The following CFAP47 variants were observed in gnomAD, a reference collection of about 807,000 sequenced individuals.
The protein encoded by CFAP47 is cilia- and flagella-associated protein 47.
CFAP47 carries 29 observed loss-of-function variants against 148.1 expected under a neutral mutation model. The observed-to-expected ratio is 0.20, with a 90% CI of 0.15 to 0.27. The LOEUF (loss-of-function observed/expected upper bound fraction) is 0.27. Ranked by LOEUF, CFAP47 falls within the 10% of genes least tolerant of loss-of-function variation. The pLI, the probability that CFAP47 is intolerant of heterozygous loss-of-function variation, is 1.00. For synonymous variants in CFAP47, 664 were observed against 577.3 expected (o/e 1.15, Z -2.15); for missense variants, 1,872 against 1,697.5 (o/e 1.10, Z -1.81).
At chrX:36,344,475 A>G (rs1204549243) in intron 57 of CFAP47, among the ~76,000 whole-genome samples, 4 of 111,584 alleles carry the variant, frequency 3.6e-5, no homozygotes, top group African/African-American at 1.3e-4. Context: ...GGTGAATTCA[A>G]TAATGAACTT....
At chrX:36,129,066 T>C (rs2083797174) in intron 33 of CFAP47, among the ~76,000 whole-genome samples, 1 of 110,604 alleles carries the variant, frequency 9.0e-6, no homozygotes, top group Non-Finnish European at 1.9e-5. Flanking sequence ...TGGTATTCAC[T>C]GATAAGACCA....
chrX:36,049,980 C>T (rs147979010), intron 26 of CFAP47, among the ~76,000 whole-genome samples: 172 of 111,876 alleles, frequency 1.5e-3, no homozygotes, highest in Non-Finnish European at 2.3e-3. Context: ...TTCCCCTGCA[C>T]GCTCTCTCTT....
chrX:35,956,192 T>A lies in CFAP47; in HGVS notation c.1406T>A (p.Met469Lys), dbSNP rs1280266325. Reference protein sequence around the residue: ...PEKGKITGGGMVDVMCSFVPH... With the variant: ...PEKGKITGGGKVDVMCSFVPH... ...AAGGGCAAGATTACTGGAGGGGGTA[T>A]GGTGGTAAGATAATTTTTCTTTGCG... Residue 469 changes from methionine (M) to lysine (K), a missense_variant, in exon 8 of 64, where the codon ATG becomes AAG. Physicochemically the swap from Met to Lys is moderately conservative, Grantham distance 95. Coordinates refer to ENST00000378653, the MANE Select transcript of CFAP47 (RefSeq NM_001304548.2). The A allele has an allele frequency of 1.7e-6, 2 of 1,194,715 alleles. No homozygotes were observed. Among genetic ancestry groups the A allele is most frequent in the African/African-American group, 3.5e-5 (2 of 56,876 alleles).
intron 27 of CFAP47, among the ~76,000 whole-genome samples, chrX:36,067,812 G>A (rs760951148): frequency 5.8e-4 from 64 of 109,446 alleles, no homozygotes; most frequent in African/African-American, 2.0e-3. Context: ...ACAGGTGCCC[G>A]CCACCATGGC....
At chrX:36,078,719 T>G (rs1302203741) in intron 29 of CFAP47, among the ~76,000 whole-genome samples, 1 of 111,134 alleles carries the variant, frequency 9.0e-6, no homozygotes, top group Non-Finnish European at 1.9e-5. Context: ...AGGTTAATAT[T>G]GTTATGTGTG....
At chrX:36,315,940 A>G (rs1385402654) in intron 56 of CFAP47, among the ~76,000 whole-genome samples, 2 of 111,521 alleles carry the variant, frequency 1.8e-5, no homozygotes, top group African/African-American at 6.5e-5. Flanking sequence ...AACCCCAACT[A>G]AGACAGGAAC....
At chrX:35,961,589 G>A (rs913780707) in intron 8 of CFAP47, among the ~76,000 whole-genome samples, 3 of 111,114 alleles carry the variant, frequency 2.7e-5, no homozygotes, top group African/African-American at 9.8e-5. Context: ...ATGTCATTTA[G>A]GTTATCTGGT....
Position 35,970,862 on chromosome X carries a change from T to C in CFAP47, c.1909T>C (p.Tyr637His). 3.4e-6 allele frequency: 4 copies of C among 1,190,382 alleles called. No homozygotes were observed. Among genetic ancestry groups the C allele is most frequent in the Non-Finnish European group, 4.5e-6 (4 of 881,558 alleles). The change falls in exon 11 of 64, where the codon TAT becomes CAT. Residue 637 changes from tyrosine to histidine, a missense_variant. Tyr to His is a moderately conservative substitution (Grantham distance 83). Transcript: ENST00000378653. The stretch of plus-strand genomic sequence containing the variant: ...ACAGCAAAAGAAATTACATGAAAAC[T>C]ATTATGCAATGTATCTTAAATATTT... ...EKQQKKLHEN[Y>H]YAMYLKYLRS...
Position 36,065,697 on chromosome X carries a change from A to G in CFAP47, c.4272A>G (p.Pro1424=). The change falls in exon 27 of 64, where the codon CCA becomes CCG. Residue 1424 remains proline (P), a synonymous_variant. Coordinates refer to ENST00000378653, the MANE Select transcript of CFAP47 (RefSeq NM_001304548.2). ...TAENCILTIY[P]YMAIHLDKQN... ...AAAACTGCATTCTTACTATTTACCC[A>G]TATATGGCAATTCATCTGGATAAGC... 2 of 1,193,560 alleles carry G rather than the reference A, an allele frequency of 1.7e-6. No homozygotes were observed. The highest frequency in any genetic ancestry group is 1.8e-5 in the South Asian group (1 of 55,900).
chrX:36,042,652 C>T (rs759587852), intron 25 of CFAP47, among the ~76,000 whole-genome samples: 17 of 110,648 alleles, frequency 1.5e-4, no homozygotes, highest in African/African-American at 3.9e-4. Flanking sequence ...AAGTTAAATA[C>T]GCCTGTATTC....
intron 10 of CFAP47, among the ~76,000 whole-genome samples, chrX:35,968,635 A>G (rs1936444539): frequency 9.0e-6 from 1 of 111,566 alleles, no homozygotes; most frequent in South Asian, 3.7e-4. Context: ...TTAATTCTGC[A>G]GACATTTTCT....
intron 1 of CFAP47, among the ~76,000 whole-genome samples, chrX:35,925,392 G>A (rs1418078390): frequency 9.1e-6 from 1 of 110,115 alleles, no homozygotes; most frequent in Non-Finnish European, 1.9e-5. Context: ...AAATAATAAT[G>A]TATATCTCAA....
chrX:36,164,626 A>G (rs183024977), intron 39 of CFAP47, among the ~76,000 whole-genome samples: 1 of 111,616 alleles, frequency 9.0e-6, no homozygotes, highest in East Asian at 2.8e-4. Context: ...CTTCATTAAG[A>G]TAACATTTAT....
rs149938733 is a variant in CFAP47 at position 35,955,051 on chromosome X, A to G, written c.1175-910A>G. On this transcript the variant is annotated intron_variant, in intron 7 of 63. Coordinates refer to ENST00000378653, the MANE Select transcript of CFAP47 (RefSeq NM_001304548.2). ...TCACCCATTCATTCACTCTTACACA[A>G]TCTGAGATGAATATCACACACCTTT... Among the ~76,000 whole-genome samples the G allele has an allele frequency of 1.2e-3, 135 of 111,912 alleles. No individual in the cohort carries two copies. The East Asian group carries it at 0.02, about 16-fold the overall frequency.
intron 62 of CFAP47, chrX:36,375,195 G>A (rs1556022691): frequency 5.3e-5 from 14 of 265,961 alleles, no homozygotes; most frequent in South Asian, 3.1e-4. Context: ...GTGGCAATGC[G>A]GAAAGATGGC....
chrX:35,967,848 A>T lies in CFAP47; in HGVS notation c.1814+16A>T, dbSNP rs757729863. ...AACATTTCAGGTAACATGAAATATT[A>T]AAACCCTGAAATTTGGAAAAGCTTA... On this transcript the variant is annotated intron_variant, in intron 10 of 63. Coordinates refer to ENST00000378653, the MANE Select transcript of CFAP47 (RefSeq NM_001304548.2). 8.8e-7 allele frequency: 1 copy of T among 1,140,600 alleles called. No individual in the cohort carries two copies. Among genetic ancestry groups the T allele is most frequent in the Admixed American group, 2.3e-5 (1 of 43,647 alleles). 94.0% of individuals were successfully genotyped at this position (1,140,600 alleles called of 1,213,427 possible). A position where few individuals can be genotyped will look rare whatever the true frequency, so the allele number is the denominator to read the frequency against.
chrX:35,950,225 G>T (rs1247571888), intron 4 of CFAP47, among the ~76,000 whole-genome samples: 1 of 111,686 alleles, frequency 9.0e-6, no homozygotes, highest in Non-Finnish European at 1.9e-5. Flanking sequence ...GTTATCTGTG[G>T]TATCTGATGG....
intron 22 of CFAP47, among the ~76,000 whole-genome samples, chrX:36,026,938 A>G (rs1937223764): frequency 9.2e-6 from 1 of 108,915 alleles, no homozygotes. Context: ...ATTGTCTTCT[A>G]TCTTCTCTTG....
At chrX:36,333,335 T>C (rs1367107521) in intron 57 of CFAP47, among the ~76,000 whole-genome samples, 1 of 110,816 alleles carries the variant, frequency 9.0e-6, no homozygotes, top group Non-Finnish European at 1.9e-5. Flanking sequence ...CATCAACTTA[T>C]CTGAACTTTC....
Sources: allele counts gnomAD v4.1 joint callset (sites outside exome capture counted in the v4.1 genomes callset), GRCh38; gene constraint gnomAD v4.1.1; transcripts MANE v1.5; gene names NCBI Gene and HGNC (gene_info 2026-07-23, HGNC 2026-07-21).